Variants in MAP1LC3B2 observed in about 807,000 individuals in gnomAD.
MAP1LC3B2 encodes the protein microtubule-associated protein 1 light chain 3 beta 2.
For missense variants in MAP1LC3B2, 155 were observed against 154.6 expected, an observed-to-expected ratio of 1.00 and a Z score of -0.01; for synonymous variants, 62 against 57.8, an observed-to-expected ratio of 1.07 and a Z score of -0.33.
intron 1 of MAP1LC3B2, among the ~76,000 whole-genome samples, chr12:116,568,316 T>C (rs934744430): frequency 6.6e-6 from 1 of 152,256 alleles, no homozygotes; most frequent in African/African-American, 2.4e-5. Context: ...GAACCTCACA[T>C]GTGGCCACAG....
At chr12:116,559,702 A>G (rs186661462) in intron 1 of MAP1LC3B2, among the ~76,000 whole-genome samples, 1 of 152,290 alleles carries the variant, frequency 6.6e-6, no homozygotes, top group Admixed American at 6.5e-5. Context: ...AGTCCTTTCC[A>G]GAATTTATCT....
At chr12:116,562,813 C>T (rs1158671982) in intron 1 of MAP1LC3B2, among the ~76,000 whole-genome samples, 2 of 152,276 alleles carry the variant, frequency 1.3e-5, no homozygotes, top group East Asian at 3.9e-4. Flanking sequence ...CCTAGAAAGT[C>T]TGACTTGGCA....
chr12:116,563,011 G>C (rs1869309197), intron 1 of MAP1LC3B2, among the ~76,000 whole-genome samples: 1 of 152,172 alleles, frequency 6.6e-6, no homozygotes, highest in South Asian at 2.1e-4. Flanking sequence ...GTCCAGGCTA[G>C]AGTGCAATGG....
chr12:116,568,365 T>A (rs1259242897), intron 1 of MAP1LC3B2, among the ~76,000 whole-genome samples: 2 of 152,256 alleles, frequency 1.3e-5, no homozygotes, highest in Non-Finnish European at 2.9e-5. Flanking sequence ...CTTCTTCCTG[T>A]CTCTCTGCCC....
intron 1 of MAP1LC3B2, among the ~76,000 whole-genome samples, chr12:116,573,665 C>T (rs759695844): frequency 2.0e-4 from 30 of 152,148 alleles, no homozygotes; most frequent in South Asian, 4.2e-4. Context: ...TACAGGTGTG[C>T]GCCACCACAC....
At chr12:116,560,396 G>A (rs1413132037) in intron 1 of MAP1LC3B2, among the ~76,000 whole-genome samples, 8 of 151,540 alleles carry the variant, frequency 5.3e-5, no homozygotes, top group East Asian at 3.9e-4. Flanking sequence ...TTACAGGTGC[G>A]CCACCACGCC....
chr12:116,574,272 C>A (rs1396346856), intron 1 of MAP1LC3B2, among the ~76,000 whole-genome samples: 1 of 150,806 alleles, frequency 6.6e-6, no homozygotes, highest in Non-Finnish European at 1.5e-5. Flanking sequence ...TGGAAGCAGT[C>A]TGAATGTACA....
intron 1 of MAP1LC3B2, among the ~76,000 whole-genome samples, chr12:116,560,995 T>C (rs576398495): frequency 6.6e-6 from 1 of 152,222 alleles, no homozygotes; most frequent in South Asian, 2.1e-4. Context: ...TGTATGCCTG[T>C]AGTCCCCGCT....
chr12:116,563,760 C>T (rs1282893701), intron 1 of MAP1LC3B2, among the ~76,000 whole-genome samples: 1 of 152,148 alleles, frequency 6.6e-6, no homozygotes, highest in South Asian at 2.1e-4. Context: ...GTTATTGTTG[C>T]ATAGGCCCCT....
rs748038006 is a variant in MAP1LC3B2 at position 116,575,897 on chromosome 12, G to T, written c.-46G>T. 4 of 1,612,034 alleles carry T rather than the reference G, an allele frequency of 2.5e-6. No individual in the cohort carries two copies. Among genetic ancestry groups the T allele is most frequent in the African/African-American group, 2.7e-5 (2 of 74,874 alleles). On this transcript the variant is annotated 5_prime_UTR_variant, in exon 2 of 2. Coordinates refer to ENST00000556529, the MANE Select transcript of MAP1LC3B2 (RefSeq NM_001085481.3). ...GCAGCAGCCGCCACCCCCAGGAGCC[G>T]CCGGGACCCTCGCGTCGTCGCCGCC...
intron 1 of MAP1LC3B2, among the ~76,000 whole-genome samples, chr12:116,571,724 G>T (rs866495666): frequency 2.0e-5 from 3 of 151,622 alleles, no homozygotes; most frequent in Non-Finnish European, 4.4e-5. Flanking sequence ...CTCGTGATCC[G>T]CCTGTCTCGG....
intron 1 of MAP1LC3B2, among the ~76,000 whole-genome samples, 196 bp downstream of exon 1, chr12:116,559,629 A>C (rs1426549176): frequency 1.3e-5 from 2 of 152,150 alleles, no homozygotes; most frequent in African/African-American, 4.8e-5. Context: ...AGTCCATGTG[A>C]TCGGCGGGTG....
chr12:116,560,233 T>TAC, intron 1 of MAP1LC3B2: 1 of 128,822 alleles, frequency 7.8e-6, no homozygotes, highest in African/African-American at 2.9e-5. Flanking sequence ...TATATATATA[T>TAC]ATATATATGT....
At position 116,575,974 on chromosome 12, in the gene MAP1LC3B2, G is replaced by A. The variant is rs11540924; in HGVS notation, c.32G>A (p.Arg11His). ...TCGGAGAAGACCTTCAAGCAGCGGCGCACCTTCGAACAAAGAGTAGAAGAT... is the reference window on the plus strand; with the variant it reads ...TCGGAGAAGACCTTCAAGCAGCGGCACACCTTCGAACAAAGAGTAGAAGAT... MPSEKTFKQR[R>H]TFEQRVEDVR... The change falls in exon 2 of 2, where the codon CGC becomes CAC. Residue 11 changes from arginine to histidine, a missense_variant. Arg to His is a conservative substitution (Grantham distance 29). Coordinates refer to ENST00000556529, the MANE Select transcript of MAP1LC3B2 (RefSeq NM_001085481.3). 2 of 1,614,038 alleles carry A rather than the reference G, an allele frequency of 1.2e-6. No individual in the cohort carries two copies. The highest frequency in any genetic ancestry group is 2.2e-5 in the East Asian group (1 of 44,884).
rs117482585 is a variant in MAP1LC3B2 at position 116,563,025 on chromosome 12, G to A, written c.-102+3592G>A. 7.4e-3 allele frequency among the ~76,000 whole-genome samples: 1,121 copies of A among 152,208 alleles called. 10 individuals are homozygous for A. The highest frequency in any genetic ancestry group is 0.011 in the Non-Finnish European group (725 of 68,002). ...TGTCCAGGCTAGAGTGCAATGGCGCGATCTCGGCTTACCACAACCCCTGCC... is the reference window on the plus strand; with the variant it reads ...TGTCCAGGCTAGAGTGCAATGGCGCAATCTCGGCTTACCACAACCCCTGCC... On this transcript the variant is annotated intron_variant, in intron 1 of 1. Transcript: ENST00000556529.
chr12:116,561,768 A>G (rs1291056069), intron 1 of MAP1LC3B2, among the ~76,000 whole-genome samples: 2 of 152,190 alleles, frequency 1.3e-5, no homozygotes, highest in Admixed American at 1.3e-4. Flanking sequence ...CATCTGTCCA[A>G]TGGAGATAAT....
intron 1 of MAP1LC3B2, among the ~76,000 whole-genome samples, chr12:116,572,029 G>T (rs1421553278): frequency 6.6e-6 from 1 of 151,386 alleles, no homozygotes; most frequent in Non-Finnish European, 1.5e-5. Context: ...AAAGAAGGGT[G>T]TGATTGAATG....
At position 116,576,507 on chromosome 12, in the gene MAP1LC3B2, A is replaced by T. The variant is rs1427527938; in HGVS notation, c.*187A>T. The T allele has an allele frequency of 1.5e-6, 1 of 677,854 alleles. No homozygotes were observed. Among genetic ancestry groups the T allele is most frequent in the Non-Finnish European group, 2.5e-6 (1 of 404,738 alleles). The allele number at this position is 677,854 out of a possible 1,614,324, so 42.0% of individuals were successfully genotyped here. A position where few individuals can be genotyped will look rare whatever the true frequency, so the allele number is the denominator to read the frequency against. On this transcript the variant is annotated 3_prime_UTR_variant, in exon 2 of 2. Transcript: ENST00000556529. ...GAAAAACTGAGCTCCAAGTGAGCAC[A>T]TTCAGCTTTGGAAACTATATTATTT...
chr12:116,564,258 T>G (rs1347834652), intron 1 of MAP1LC3B2, among the ~76,000 whole-genome samples: 1 of 152,264 alleles, frequency 6.6e-6, no homozygotes, highest in East Asian at 1.9e-4. Context: ...CACATTTTCC[T>G]GCTTCTCTAG....
Sources: gnomAD v4.1 joint callset for allele counts (sites outside exome capture counted in the v4.1 genomes callset) on GRCh38, gnomAD v4.1.1 for gene constraint, MANE v1.5 for transcripts, NCBI Gene and HGNC (gene_info 2026-07-23, HGNC 2026-07-21) for gene names.